The following DGKG variants were observed in gnomAD, a reference collection of about 807,000 sequenced individuals.
DGKG encodes the protein DAG kinase gamma.
Under a neutral mutation model 105.3 loss-of-function variants are expected in DGKG, and 78 were observed. The ratio of observed to expected loss-of-function variants is 0.74; its 90% CI spans 0.62 to 0.89. The LOEUF is 0.89. Among genes scored for constraint, DGKG ranks in the 40% least tolerant of loss-of-function variants. The probability of loss-of-function intolerance (pLI) is 0.00; values close to 1 mark genes in which losing one functional copy is unlikely to be tolerated. For synonymous variants in DGKG, 346 were observed against 367.1 expected, an observed-to-expected ratio of 0.94 and a Z score of 0.66; for missense variants, 958 against 1,020.1, an observed-to-expected ratio of 0.94 and a Z score of 0.83.
chr3:186,190,966 T>A (rs1488914462), intron 21 of DGKG, among the ~76,000 whole-genome samples: 1 of 152,140 alleles, frequency 6.6e-6, no homozygotes, highest in Non-Finnish European at 1.5e-5. Flanking sequence ...CCAGCCTACT[T>A]TTTGTTATTA....
At chr3:186,216,860 A>G (rs1719317223) in intron 20 of DGKG, among the ~76,000 whole-genome samples, 1 of 152,160 alleles carries the variant, frequency 6.6e-6, no homozygotes, top group Non-Finnish European at 1.5e-5. Context: ...TTCATCTTCT[A>G]TTGTACAAGA....
chr3:186,289,405 C>T (rs538580965), intron 5 of DGKG, among the ~76,000 whole-genome samples: 304 of 152,260 alleles, frequency 2.0e-3, no homozygotes, highest in Non-Finnish European at 3.8e-3. Context: ...AAACTAACTG[C>T]AAGTCTAATT....
chr3:186,281,169 T>C (rs1722811998), intron 7 of DGKG: 1 of 167,962 alleles, frequency 6.0e-6, no homozygotes. Flanking sequence ...ATCTCTCAGC[T>C]CGAGGCCAGT....
At chr3:186,257,688 T>G in intron 17 of DGKG, 166 bp downstream of exon 17, 1 of 576,506 alleles carries the variant, frequency 1.7e-6, no homozygotes, top group Non-Finnish European at 3.1e-6. Flanking sequence ...TTTCTTTTTT[T>G]TTTTTTTTTC....
chr3:186,206,629 G>A (rs1038090738), intron 21 of DGKG, among the ~76,000 whole-genome samples: 4 of 152,098 alleles, frequency 2.6e-5, no homozygotes, highest in Non-Finnish European at 5.9e-5. Context: ...AATCAGGTTA[G>A]AATGAATATT....
chr3:186,221,597 C>T (rs980641864), intron 20 of DGKG, among the ~76,000 whole-genome samples: 2 of 152,180 alleles, frequency 1.3e-5, no homozygotes, highest in African/African-American at 4.8e-5. Context: ...GTAGTGATTC[C>T]TTAGCTGTGC....
At chr3:186,232,534 C>A (rs1720202235) in intron 20 of DGKG, among the ~76,000 whole-genome samples, 1 of 152,136 alleles carries the variant, frequency 6.6e-6, no homozygotes, top group Admixed American at 6.5e-5. Context: ...GTATATCTAT[C>A]AAGTTAACTG....
At chr3:186,313,794 G>A (rs1214021185) in intron 2 of DGKG, among the ~76,000 whole-genome samples, 1 of 152,058 alleles carries the variant, frequency 6.6e-6, no homozygotes, top group Non-Finnish European at 1.5e-5. Flanking sequence ...AGAAAAAAAG[G>A]TCTGTGGTGC....
At chr3:186,177,137 G>T (rs949066159) in intron 22 of DGKG, among the ~76,000 whole-genome samples, 1 of 152,170 alleles carries the variant, frequency 6.6e-6, no homozygotes, top group Non-Finnish European at 1.5e-5. Context: ...CTCCTCACTG[G>T]CCTTGTTACT....
chr3:186,250,409 G>A (rs1431716128), intron 19 of DGKG, among the ~76,000 whole-genome samples: 1 of 151,936 alleles, frequency 6.6e-6, no homozygotes, highest in South Asian at 2.1e-4. Flanking sequence ...GATGATGTGT[G>A]CAGCAACTCA....
intron 9 of DGKG, among the ~76,000 whole-genome samples, chr3:186,278,411 G>T (rs1722681979): frequency 6.6e-6 from 1 of 152,156 alleles, no homozygotes; most frequent in Admixed American, 6.5e-5. Context: ...TTCTTGGCAA[G>T]GGATCATTGG....
intron 2 of DGKG, among the ~76,000 whole-genome samples, chr3:186,311,414 A>G (rs1376451993): frequency 2.6e-5 from 4 of 152,204 alleles, no homozygotes; most frequent in Non-Finnish European, 1.5e-5. Flanking sequence ...CAACAGGTCA[A>G]CTTGTTCAGC....
chr3:186,285,928 C>T (rs1447099547), intron 6 of DGKG, among the ~76,000 whole-genome samples: 1 of 152,174 alleles, frequency 6.6e-6, no homozygotes, highest in Non-Finnish European at 1.5e-5. Context: ...ATCCGCCTGC[C>T]TCGGCCTGCC....
chr3:186,287,191 A>G (rs1035357249), intron 6 of DGKG, among the ~76,000 whole-genome samples: 6 of 152,186 alleles, frequency 3.9e-5, no homozygotes. Flanking sequence ...AATATCTAGG[A>G]TAATTGGAAA....
intron 16 of DGKG, 50 bp downstream of exon 16, chr3:186,260,389 G>T (rs371741071): frequency 1.2e-5 from 17 of 1,378,152 alleles, no homozygotes; most frequent in Non-Finnish European, 1.6e-5. Context: ...CTTCATTGGA[G>T]TTTAAAAGGG....
intron 2 of DGKG, among the ~76,000 whole-genome samples, chr3:186,318,346 T>C (rs1485831742): frequency 1.3e-5 from 2 of 152,170 alleles, no homozygotes; most frequent in African/African-American, 2.4e-5. Flanking sequence ...TATCACCATC[T>C]CAAAATCAAC....
intron 11 of DGKG, among the ~76,000 whole-genome samples, chr3:186,269,291 T>C (rs1722206231): frequency 6.6e-6 from 1 of 152,228 alleles, no homozygotes; most frequent in Non-Finnish European, 1.5e-5. Flanking sequence ...GCAGAGGAAC[T>C]CTGGAGGGCT....
chr3:186,254,817 C>T (rs992943442), intron 17 of DGKG, among the ~76,000 whole-genome samples: 5 of 152,184 alleles, frequency 3.3e-5, no homozygotes, highest in African/African-American at 9.7e-5. Flanking sequence ...CACAGTCCCT[C>T]GCACTGGCTC....
rs149238382 is a variant in DGKG at position 186,147,236 on chromosome 3, A to G, written c.*2854T>C. ...ACAGTTTTTATTGCTGTTGGGGTAG[A>G]AGCATGGGGGGCAGGTGAGAACATG... On this transcript the variant is annotated 3_prime_UTR_variant, in exon 25 of 25. Coordinates refer to ENST00000265022, the MANE Select transcript of DGKG (RefSeq NM_001346.3). The G allele has an allele frequency of 1.0e-6, 1 of 985,968 alleles. No individual in the cohort carries two copies. Among genetic ancestry groups the G allele is most frequent in the African/African-American group, 1.7e-5 (1 of 57,360 alleles). 61.1% of individuals were successfully genotyped at this position (985,968 alleles called of 1,614,324 possible).
Sources: gnomAD v4.1 joint callset for allele counts (sites outside exome capture counted in the v4.1 genomes callset) on GRCh38, gnomAD v4.1.1 for gene constraint, MANE v1.5 for transcripts, NCBI Gene and HGNC (gene_info 2026-07-23, HGNC 2026-07-21) for gene names.